INTS10: variants seen among roughly 807,000 people sequenced by gnomAD.
The protein encoded by INTS10 is integrator complex subunit 10.
A neutral mutation model predicts 94.4 loss-of-function variants in INTS10; 44 were observed. The observed-to-expected ratio is 0.47, with a 90% confidence interval of 0.37 to 0.60. The LOEUF (loss-of-function observed/expected upper bound fraction) is 0.60. Ranked by LOEUF, INTS10 falls within the 20% of genes least tolerant of loss-of-function variation. The probability of loss-of-function intolerance (pLI) is 0.00; values close to 1 mark genes in which losing one functional copy is unlikely to be tolerated. For synonymous variants in INTS10, 341 were observed against 320.7 expected (o/e 1.06, Z -0.68); for missense variants, 797 against 868.7 (o/e 0.92, Z 1.04).
chr8:19,845,329 T>C (rs757113947), intron 15 of INTS10: 5 of 168,118 alleles, frequency 3.0e-5, no homozygotes, highest in Admixed American at 2.9e-4. Flanking sequence ...TCATTTCTTA[T>C]TAAGAAAACA....
intron 12 of INTS10, among the ~76,000 whole-genome samples, chr8:19,835,645 C>A (rs1430824014): frequency 6.6e-6 from 1 of 152,116 alleles, no homozygotes; most frequent in African/African-American, 2.4e-5. Flanking sequence ...TCTGTGACAT[C>A]GGTAGGTTAC....
At chr8:19,847,610 A>C (rs2068683598) in intron 16 of INTS10, among the ~76,000 whole-genome samples, 1 of 152,242 alleles carries the variant, frequency 6.6e-6, no homozygotes, top group Non-Finnish European at 1.5e-5. Flanking sequence ...GATGATTATC[A>C]CTTTACCTAG....
At chr8:19,826,094 T>C (rs1353129403) in intron 8 of INTS10, among the ~76,000 whole-genome samples, 3 of 152,166 alleles carry the variant, frequency 2.0e-5, no homozygotes, top group Non-Finnish European at 1.5e-5. Flanking sequence ...TTTAATTTTA[T>C]TTATTTTTTA....
Position 19,823,853 on chromosome 8 carries a change from A to G in INTS10, c.665-20A>G. 1 of 1,562,408 alleles carries G rather than the reference A, an allele frequency of 6.4e-7. No individual in the cohort carries two copies. Among genetic ancestry groups the G allele is most frequent in the Non-Finnish European group, 8.6e-7 (1 of 1,158,462 alleles). Reference sequence around the variant, plus strand: ...TAAGTCATAATGTTAATTGTAGGCTACTTTTTTCTTACATCTCAGGCGCCC... The same window carrying G: ...TAAGTCATAATGTTAATTGTAGGCTGCTTTTTTCTTACATCTCAGGCGCCC... On this transcript the variant is annotated intron_variant, in intron 6 of 16. Coordinates refer to ENST00000397977, the MANE Select transcript of INTS10 (RefSeq NM_018142.4).
At chr8:19,827,666 C>T (rs2066907733) in intron 9 of INTS10, among the ~76,000 whole-genome samples, 1 of 152,066 alleles carries the variant, frequency 6.6e-6, no homozygotes, top group African/African-American at 2.4e-5. Context: ...GCGGTTCTTC[C>T]TTCCGGTTTT....
At chr8:19,839,433 C>T (rs781449580) in intron 13 of INTS10, among the ~76,000 whole-genome samples, 2 of 152,126 alleles carry the variant, frequency 1.3e-5, no homozygotes, top group Non-Finnish European at 2.9e-5. Context: ...GGCATGGTGG[C>T]TTATGCCTGT....
At chr8:19,841,695 C>A (rs935333564) in intron 13 of INTS10, 2 of 405,264 alleles carry the variant, frequency 4.9e-6, no homozygotes, top group African/African-American at 4.1e-5. Context: ...TGTATAAAGT[C>A]ATGCAACCAT....
chr8:19,828,561 G>C (rs2066981905), intron 9 of INTS10, among the ~76,000 whole-genome samples: 1 of 152,134 alleles, frequency 6.6e-6, no homozygotes, highest in Admixed American at 6.5e-5. Flanking sequence ...CCACATCTGG[G>C]GTCCTTTCAT....
intron 9 of INTS10, among the ~76,000 whole-genome samples, chr8:19,826,878 C>T (rs2066839632): frequency 6.6e-6 from 1 of 152,138 alleles, no homozygotes; most frequent in Non-Finnish European, 1.5e-5. Context: ...GTTCCTTATA[C>T]ATGTTTTGAC....
intron 9 of INTS10, among the ~76,000 whole-genome samples, chr8:19,826,788 G>A (rs1281534811): frequency 2.0e-5 from 3 of 152,340 alleles, no homozygotes; most frequent in African/African-American, 7.2e-5. Context: ...GTGGGGAGGG[G>A]CCAGGGTTGC....
intron 11 of INTS10, 89 bp from the exon 12 acceptor site, chr8:19,833,080 G>C: frequency 1.7e-6 from 2 of 1,159,826 alleles, no homozygotes; most frequent in Non-Finnish European, 2.4e-6. Context: ...TTGCTTGCTC[G>C]TTGCTTCGTG....
chr8:19,824,769 A>G, intron 7 of INTS10, 34 bp from the exon 8 acceptor site: 1 of 1,519,618 alleles, frequency 6.6e-7, no homozygotes, highest in East Asian at 2.3e-5. Flanking sequence ...AGCCCAGAGT[A>G]ATCAAATAAG....
chr8:19,823,867 T>C lies in INTS10; in HGVS notation c.665-6T>C, dbSNP rs751538374. 15 of 1,574,676 alleles carry C rather than the reference T, an allele frequency of 9.5e-6. No individual in the cohort carries two copies. Among genetic ancestry groups the C allele is most frequent in the Non-Finnish European group, 1.3e-5 (15 of 1,165,164 alleles). On this transcript the variant is annotated splice_polypyrimidine_tract_variant and splice_region_variant and intron_variant, in intron 6 of 16. Transcript: ENST00000397977. ...AATTGTAGGCTACTTTTTTCTTACA[T>C]CTCAGGCGCCCAGGATACATCTGAT...
At position 19,819,666 on chromosome 8, in the gene INTS10, A is replaced by G. The variant is rs1433732566; in HGVS notation, c.291A>G (p.Gln97=). 15 of 1,609,920 alleles carry G rather than the reference A, an allele frequency of 9.3e-6. No individual in the cohort carries two copies. Among genetic ancestry groups the G allele is most frequent in the Non-Finnish European group, 1.3e-5 (15 of 1,176,512 alleles). ...ACGATTCACAGGACAAACAAACCCA[A>G]TTTTTAAGAAGTAAGAATAATGGTG... is the stretch of plus-strand genomic sequence containing the variant. The part of the protein sequence containing the change: ...LRNDSQDKQT[Q]FLRSLFETLP... The change falls in exon 3 of 17, where the codon CAA becomes CAG. Residue 97 remains glutamine (Q), a synonymous_variant. Transcript: ENST00000397977.
chr8:19,832,216 C>T, intron 11 of INTS10, 106 bp downstream of exon 11: 1 of 701,980 alleles, frequency 1.4e-6, no homozygotes, highest in Admixed American at 2.0e-5. Flanking sequence ...TGGGCTAGTC[C>T]ACTGCCTCCT....
At chr8:19,840,745 G>C (rs984708633) in intron 13 of INTS10, among the ~76,000 whole-genome samples, 5 of 151,328 alleles carry the variant, frequency 3.3e-5, no homozygotes, top group African/African-American at 7.3e-5. Flanking sequence ...ATAACAAATG[G>C]TCAAAAAAAA....
At chr8:19,848,471 G>T (rs1169045437) in intron 16 of INTS10, among the ~76,000 whole-genome samples, 2 of 152,156 alleles carry the variant, frequency 1.3e-5, no homozygotes, top group Non-Finnish European at 1.5e-5. Context: ...GTATTAGAGT[G>T]GATTAAAATG....
chr8:19,826,323 C>T, intron 8 of INTS10, 103 bp from the exon 9 acceptor site: 1 of 1,206,232 alleles, frequency 8.3e-7, no homozygotes, highest in African/African-American at 1.6e-5. Context: ...CTCAGGCAAT[C>T]CTCCTGCCTC....
At chr8:19,827,547 C>T (rs114196000) in intron 9 of INTS10, among the ~76,000 whole-genome samples, 1,668 of 152,204 alleles carry the variant, frequency 0.011, 28 homozygotes, top group South Asian at 0.041. Flanking sequence ...CTGAGTAGTG[C>T]CTGGGCTGGA....
Sources: gnomAD v4.1 joint callset for allele counts (sites outside exome capture counted in the v4.1 genomes callset) on GRCh38, gnomAD v4.1.1 for gene constraint, MANE v1.5 for transcripts, NCBI Gene and HGNC (gene_info 2026-07-23, HGNC 2026-07-21) for gene names.